Variants in ADD1 observed in about 807,000 individuals in gnomAD.
ADD1 encodes the protein alpha-adducin.
ADD1 carries 24 observed loss-of-function variants against 80.5 expected under a neutral mutation model. The observed-to-expected ratio is 0.30, with a 90% CI of 0.22 to 0.42. The LOEUF (loss-of-function observed/expected upper bound fraction) is 0.42, where lower values mean the gene tolerates loss of function less well. ADD1 is among the 10% of genes least tolerant of loss of function. The pLI is 1.00. For missense variants in ADD1, 948 were observed against 1,019.0 expected, an observed-to-expected ratio of 0.93 and a Z score of 0.95; for synonymous variants, 373 against 393.8, an observed-to-expected ratio of 0.95 and a Z score of 0.63.
At position 2,910,155 on chromosome 4, in the gene ADD1, G is replaced by A. The variant is rs1211486650; in HGVS notation, c.1791+724G>A. On this transcript the variant is annotated intron_variant, in intron 13 of 15. Transcript: ENST00000683351. ...CTCCCTAAGAATCTAGGCTGCTAGT[G>A]TGCAGGAGTTGGTGCCACGCAGAAA... Among the ~76,000 whole-genome samples the A allele has an allele frequency of 2.7e-5, 4 of 149,898 alleles. No individual in the cohort carries two copies. In the East Asian group the frequency reaches 7.9e-4, roughly 30 times the overall value.
intron 14 of ADD1, among the ~76,000 whole-genome samples, chr4:2,924,150 C>T (rs1435729518): frequency 4.6e-5 from 7 of 152,192 alleles, no homozygotes; most frequent in African/African-American, 1.7e-4. Flanking sequence ...CTGACAAAGG[C>T]GGTCTTGTTT....
At chr4:2,915,748 CG>C (rs1178022115) in intron 14 of ADD1, among the ~76,000 whole-genome samples, 1 of 152,084 alleles carries the variant, frequency 6.6e-6, no homozygotes, top group Non-Finnish European at 1.5e-5. Flanking sequence ...CGCTTGAACC[CG>C]GGGGGCGGAG....
Position 2,926,554 on chromosome 4 carries a change from C to T in ADD1, c.2047+442C>T, listed in dbSNP as rs1459498113. ...TCTCTCGTGAAGCCCGTGGCCCTGC[C>T]TTTCTTCTTCTGTAACCTGATGGCT... is the stretch of plus-strand genomic sequence containing the variant. On this transcript the variant is annotated intron_variant, in intron 15 of 15. Transcript: ENST00000683351. This position sits in a 1 kb window ranked among gnomAD's most constrained non-coding sequence, Gnocchi z 5.0. 4 of 1,487,210 alleles carry T rather than the reference C, an allele frequency of 2.7e-6. No homozygotes were observed. Among genetic ancestry groups the T allele is most frequent in the South Asian group, 1.2e-5 (1 of 85,028 alleles). The allele number at this position is 1,487,210 out of a possible 1,614,324, so 92.1% of individuals were successfully genotyped here. A position where few individuals can be genotyped will look rare whatever the true frequency, so the allele number is the denominator to read the frequency against.
intron 2 of ADD1, 24 bp from the exon 3 acceptor site, chr4:2,881,874 C>T (rs768035833): frequency 1.9e-6 from 3 of 1,577,316 alleles, no homozygotes; most frequent in Non-Finnish European, 2.6e-6. Flanking sequence ...AATGGTATCT[C>T]AGTGTTTTAA....
intron 1 of ADD1, among the ~76,000 whole-genome samples, chr4:2,874,738 A>ATTGG (rs1731002675): frequency 6.6e-6 from 1 of 152,056 alleles, no homozygotes; most frequent in South Asian, 2.1e-4. Flanking sequence ...TTCTTTGGTT[A>ATTGG]TTGGTTCCAC....
Position 2,875,960 on chromosome 4 carries a change from G to C in ADD1, c.45G>C (p.Pro15=), listed in dbSNP as rs140936293. 1 of 1,613,408 alleles carries C rather than the reference G, an allele frequency of 6.2e-7. No individual in the cohort carries two copies. Among genetic ancestry groups the C allele is most frequent in the Non-Finnish European group, 8.5e-7 (1 of 1,179,698 alleles). The change falls in exon 2 of 16, where the codon CCG becomes CCC. Residue 15 remains proline (P), a synonymous_variant. Transcript: ENST00000683351. ...SRAAVVTSPP[P]TTAPHKERYF... ...CTGCGGTGGTGACCTCACCACCCCC[G>C]ACCACAGCCCCTCACAAGGAGAGGT... is the stretch of plus-strand genomic sequence containing the variant.
chr4:2,925,875 G>A, intron 14 of ADD1, 139 bp from the exon 15 acceptor site: 1 of 643,734 alleles, frequency 1.6e-6, no homozygotes, highest in Middle Eastern at 2.9e-4. Context: ...CTCTCTTGGA[G>A]AGGATCAGGG....
At position 2,928,241 on chromosome 4, in the gene ADD1, G is replaced by A. The variant is rs1459227763; in HGVS notation, c.2118G>A (p.Leu706=). The stretch of plus-strand genomic sequence containing the variant: ...CCTTTAAGCCAACTCTCCCCGATCT[G>A]TCCCCTGATGAACCTTCAGAAGCAC... ...AATFKPTLPD[L]SPDEPSEALG... The change falls in exon 16 of 16, where the codon CTG becomes CTA. Residue 706 remains leucine (L), a synonymous_variant. Transcript: ENST00000683351. The A allele has an allele frequency of 6.2e-7, 1 of 1,613,934 alleles. No individual in the cohort carries two copies.
Position 2,863,307 on chromosome 4 carries a change from C to T in ADD1, c.-20-12589C>T, listed in dbSNP as rs112541374. ...ACTCTGGGCTGAAGCAATCTGCCCA[C>T]CTCTGCCTCCCAAGGTGCTGGGATT... On this transcript the variant is annotated intron_variant, in intron 1 of 15. Transcript: ENST00000683351. 4.1e-3 allele frequency among the ~76,000 whole-genome samples: 628 copies of T among 151,348 alleles called. 2 individuals are homozygous for T. The highest frequency in any genetic ancestry group is 0.014 in the African/African-American group (590 of 41,174).
rs73189459 is a variant in ADD1 at position 2,898,666 on chromosome 4, T to C, written c.984+135T>C. The C allele has an allele frequency of 2.3e-5, 18 of 778,106 alleles. No homozygotes were observed. The East Asian group carries it at 3.3e-4, about 14-fold the overall frequency. The allele number at this position is 778,106 out of a possible 1,614,324, so 48.2% of individuals were successfully genotyped here. ...CTTTGCCAAAGATAAGCTCATGGAT[T>C]TGGGACTTGATCAGGACAAATGCTG... is the stretch of plus-strand genomic sequence containing the variant. On this transcript the variant is annotated intron_variant, in intron 8 of 15. Coordinates refer to ENST00000683351, the MANE Select transcript of ADD1 (RefSeq NM_001354761.2).
At chr4:2,878,606 C>T (rs548852275) in intron 2 of ADD1, among the ~76,000 whole-genome samples, 2 of 152,190 alleles carry the variant, frequency 1.3e-5, no homozygotes, top group South Asian at 4.1e-4. Flanking sequence ...GAGTAAAGTT[C>T]CTGCCCACAG....
chr4:2,884,179 T>C (rs566220911), intron 3 of ADD1, among the ~76,000 whole-genome samples: 4 of 151,976 alleles, frequency 2.6e-5, no homozygotes, highest in Admixed American at 6.6e-5. Context: ...CAAATTTGGC[T>C]ATCTTTTTGT....
intron 1 of ADD1, among the ~76,000 whole-genome samples, chr4:2,868,884 G>A (rs1282884602): frequency 3.9e-5 from 6 of 152,158 alleles, no homozygotes; most frequent in African/African-American, 1.4e-4. Flanking sequence ...TGGATATTGA[G>A]AATGAGTGGG....
intron 12 of ADD1, 77 bp downstream of exon 12, chr4:2,908,681 A>T: frequency 8.1e-7 from 1 of 1,238,244 alleles, no homozygotes; most frequent in Non-Finnish European, 1.2e-6. Flanking sequence ...TCTGAAATTG[A>T]GAGAGTGACT....
At chr4:2,846,813 C>CT (rs1170478927) in intron 1 of ADD1, among the ~76,000 whole-genome samples, 2 of 116,484 alleles carry the variant, frequency 1.7e-5, no homozygotes, top group African/African-American at 7.3e-5. Context: ...TACTCTGTCT[C>CT]TTTAAAAAAA....
chr4:2,858,277 G>C (rs1260550104), intron 1 of ADD1, among the ~76,000 whole-genome samples: 1 of 152,204 alleles, frequency 6.6e-6, no homozygotes, highest in African/African-American at 2.4e-5. Flanking sequence ...TAATAATAGT[G>C]ATAGCTACCA....
chr4:2,878,644 G>T (rs138537315), intron 2 of ADD1, among the ~76,000 whole-genome samples: 9 of 152,266 alleles, frequency 5.9e-5, no homozygotes, highest in African/African-American at 1.4e-4. Context: ...AAGCATCAAG[G>T]CTGGGCGCGG....
rs953459337 is a variant in ADD1 at position 2,928,709 on chromosome 4, C to G, written c.*186C>G. The G allele has an allele frequency of 3.4e-6, 2 of 588,048 alleles. No individual in the cohort carries two copies. Among genetic ancestry groups the G allele is most frequent in the Middle Eastern group, 4.2e-4 (1 of 2,382 alleles). 36.4% of individuals were successfully genotyped at this position (588,048 alleles called of 1,614,324 possible). A position where few individuals can be genotyped will look rare whatever the true frequency, so the allele number is the denominator to read the frequency against. On this transcript the variant is annotated 3_prime_UTR_variant, in exon 16 of 16. Coordinates refer to ENST00000683351, the MANE Select transcript of ADD1 (RefSeq NM_001354761.2). ...CAGTGTGTGCTCAGCAGCCCCACCC[C>G]ACCCTGCCCCTTGTCCTCTCAGAGC...
intron 1 of ADD1, among the ~76,000 whole-genome samples, chr4:2,852,350 A>G (rs1485939184): frequency 9.9e-6 from 1 of 100,572 alleles, no homozygotes; most frequent in Admixed American, 1.3e-4. Flanking sequence ...TTTTTGAAAG[A>G]GAGTCTCGCT....
Sources: allele counts gnomAD v4.1 joint callset (sites outside exome capture counted in the v4.1 genomes callset), GRCh38; gene constraint gnomAD v4.1.1; non-coding constraint Gnocchi (gnomAD v3.1); transcripts MANE v1.5; gene names NCBI Gene and HGNC (gene_info 2026-07-23, HGNC 2026-07-21).